The following TGFBRAP1 variants were observed in gnomAD, a reference collection of about 807,000 sequenced individuals.
The protein encoded by TGFBRAP1 is transforming growth factor-beta receptor-associated protein 1.
TGFBRAP1 carries 20 observed loss-of-function variants against 83.2 expected under a neutral mutation model. The ratio of observed to expected loss-of-function variants is 0.24; its 90% CI spans 0.17 to 0.35. The LOEUF (loss-of-function observed/expected upper bound fraction) is 0.35. Ranked by LOEUF, TGFBRAP1 falls within the 10% of genes least tolerant of loss-of-function variation. The probability of loss-of-function intolerance (pLI) is 1.00; values close to 1 mark genes in which losing one functional copy is unlikely to be tolerated. For missense variants in TGFBRAP1, 950 were observed against 1,099.4 expected, an observed-to-expected ratio of 0.86 and a Z score of 1.92; for synonymous variants, 415 against 459.8, an observed-to-expected ratio of 0.90 and a Z score of 1.25.
chr2:105,269,547 G>A lies in TGFBRAP1; in HGVS notation c.2131C>T (p.His711Tyr), dbSNP rs1022138131. The change falls in exon 11 of 12, where the codon CAC becomes TAC. Residue 711 changes from histidine to tyrosine, a missense_variant. Coordinates refer to ENST00000393359, the MANE Select transcript of TGFBRAP1 (RefSeq NM_004257.6). This position sits in a 1 kb window ranked among gnomAD's most constrained non-coding sequence, Gnocchi z 4.1. Reference protein sequence around the residue: ...LWCSEGRDPPHRQQLFHTLLA... With the variant: ...LWCSEGRDPPYRQQLFHTLLA... ...AGCGTGTGAAAGAGTTGCTGGCGGTGGGGTGGGTCTCGGCCCTCGGAGCAC... is the reference window on the plus strand; with the variant it reads ...AGCGTGTGAAAGAGTTGCTGGCGGTAGGGTGGGTCTCGGCCCTCGGAGCAC... 2 of 1,611,894 alleles carry A rather than the reference G, an allele frequency of 1.2e-6. No individual in the cohort carries two copies. The highest frequency in any genetic ancestry group is 2.7e-5 in the African/African-American group (2 of 74,916).
At chr2:105,315,686 A>G (rs1198583476) in intron 1 of TGFBRAP1, among the ~76,000 whole-genome samples, 1 of 152,236 alleles carries the variant, frequency 6.6e-6, no homozygotes, top group Non-Finnish European at 1.5e-5. Flanking sequence ...AGCTACCATT[A>G]AAAAGATCGA....
chr2:105,286,345 G>T (rs1677719669), intron 4 of TGFBRAP1, among the ~76,000 whole-genome samples: 1 of 152,122 alleles, frequency 6.6e-6, no homozygotes, highest in South Asian at 2.1e-4. Flanking sequence ...ACCAAGCATG[G>T]CCAATTCTTG....
rs766452729 is a variant in TGFBRAP1, at chr2:105,307,593, G to T, written c.688+21C>A. 9 of 1,581,334 alleles carry T rather than the reference G, an allele frequency of 5.7e-6. No homozygotes were observed. The African/African-American group carries it at 1.1e-4, about 19-fold the overall frequency. On this transcript the variant is annotated intron_variant, in intron 2 of 11. Coordinates refer to ENST00000393359, the MANE Select transcript of TGFBRAP1 (RefSeq NM_004257.6). Reference sequence around the variant, plus strand: ...CCGAGGCCACCCAAAAAGATCAGGCGCACAAATGCATCCTCCTCACCCAGC... The same window carrying T: ...CCGAGGCCACCCAAAAAGATCAGGCTCACAAATGCATCCTCCTCACCCAGC...
intron 4 of TGFBRAP1, among the ~76,000 whole-genome samples, chr2:105,285,078 G>A (rs1677668832): frequency 6.6e-6 from 1 of 152,196 alleles, no homozygotes; most frequent in African/African-American, 2.4e-5. Context: ...CAGCATGGCT[G>A]GTGTCCTCGT....
chr2:105,321,691 G>A (rs865905269), intron 1 of TGFBRAP1, among the ~76,000 whole-genome samples: 34 of 152,140 alleles, frequency 2.2e-4, no homozygotes, highest in African/African-American at 5.3e-4. Flanking sequence ...ATCTACAACA[G>A]TGGTCCCATA....
chr2:105,252,804 A>G, the TGFBRAP1 span, among the ~76,000 whole-genome samples: 124,486 of 144,528 alleles, frequency 0.86, 54,111 homozygotes, highest in African/African-American at 0.97. Flanking sequence ...CCAGGCTGGA[A>G]TGCAGTGGCG....
chr2:105,285,467 T>C (rs984367993), intron 4 of TGFBRAP1, among the ~76,000 whole-genome samples: 2 of 152,212 alleles, frequency 1.3e-5, no homozygotes, highest in Non-Finnish European at 2.9e-5. Context: ...CTTACTAAAG[T>C]AAGAATTGTT....
At chr2:105,288,577 C>T (rs927467655) in intron 4 of TGFBRAP1, among the ~76,000 whole-genome samples, 1 of 152,112 alleles carries the variant, frequency 6.6e-6, no homozygotes, top group Non-Finnish European at 1.5e-5. Flanking sequence ...GAGAATATAA[C>T]AGGAATATAT....
intron 4 of TGFBRAP1, among the ~76,000 whole-genome samples, chr2:105,287,000 T>C (rs1009555468): frequency 9.9e-5 from 15 of 152,200 alleles, no homozygotes; most frequent in African/African-American, 3.6e-4. Flanking sequence ...TTCTAACTAA[T>C]GGAATGCTAC....
At chr2:105,252,139 A>C in the TGFBRAP1 span, among the ~76,000 whole-genome samples, 1 of 152,056 alleles carries the variant, frequency 6.6e-6, no homozygotes. Context: ...TGATCAATAA[A>C]AAAAATAAAT....
Position 105,269,636 on chromosome 2 carries a change from T to G in TGFBRAP1, c.2042A>C (p.Lys681Thr). Residue 681 changes from lysine to threonine, a missense_variant, in exon 11 of 12, where the codon AAG becomes ACG. Lys to Thr is a moderately conservative substitution (Grantham distance 78, BLOSUM62 -1). Transcript: ENST00000393359. The surrounding 1 kb of genome is among the most constrained non-coding windows in gnomAD (Gnocchi z 4.1). The part of the protein sequence containing the change: ...ILHGKLGEHE[K>T]ALHILVHELQ... Reference sequence around the variant, plus strand: ...CTCGTGCACCAGGATATGCAGCGCCTTCTCATGCTCGCCCAGCTTCCCGTG... The same window carrying G: ...CTCGTGCACCAGGATATGCAGCGCCGTCTCATGCTCGCCCAGCTTCCCGTG... The G allele has an allele frequency of 6.3e-7, 1 of 1,597,958 alleles. No individual in the cohort carries two copies. The highest frequency in any genetic ancestry group is 1.3e-5 in the African/African-American group (1 of 74,808).
chr2:105,253,779 A>G, the TGFBRAP1 span, among the ~76,000 whole-genome samples: 1 of 152,192 alleles, frequency 6.6e-6, no homozygotes, highest in Non-Finnish European at 1.5e-5. Context: ...TAAAATTATA[A>G]AAGTAACGTG....
At chr2:105,279,416 C>A (rs1213613200) in intron 6 of TGFBRAP1, among the ~76,000 whole-genome samples, 1 of 151,904 alleles carries the variant, frequency 6.6e-6, no homozygotes, top group East Asian at 1.9e-4. Context: ...AACCACCACA[C>A]CCAGCTAATT....
intron 1 of TGFBRAP1, among the ~76,000 whole-genome samples, chr2:105,310,841 A>G (rs996077351): frequency 6.6e-6 from 1 of 152,230 alleles, no homozygotes; most frequent in African/African-American, 2.4e-5. Flanking sequence ...TTCTTCCTTC[A>G]TTGATTAATC....
rs775974714 is a variant in TGFBRAP1, at chr2:105,280,403, G to A, written c.1442C>T (p.Ala481Val). 3 of 1,613,930 alleles carry A rather than the reference G, an allele frequency of 1.9e-6. No homozygotes were observed. The highest frequency in any genetic ancestry group is 2.5e-6 in the Non-Finnish European group (3 of 1,179,982). ...ENFCLLTDSA[A>V]WLEKHKKYFA... ...TCACTTTTTGTGCTTCTCTAGCCAG[G>A]CAGCACTGTCCGTCAGAAGACAGAA... Residue 481 changes from alanine (A) to valine (V), a missense_variant, in exon 6 of 12, where the codon GCC becomes GTC. Ala to Val is a moderately conservative substitution (Grantham distance 64). Coordinates refer to ENST00000393359, the MANE Select transcript of TGFBRAP1 (RefSeq NM_004257.6).
chr2:105,264,927 G>T lies in TGFBRAP1; in HGVS notation c.*2456C>A, dbSNP rs1676870731. The T allele has an allele frequency of 6.6e-6, 1 of 152,212 alleles. No homozygotes were observed. Among genetic ancestry groups the T allele is most frequent in the South Asian group, 2.1e-4 (1 of 4,830 alleles). 9.4% of individuals were successfully genotyped at this position (152,212 alleles called of 1,614,324 possible). A position where few individuals can be genotyped will look rare whatever the true frequency, so the allele number is the denominator to read the frequency against. Reference sequence around the variant, plus strand: ...TATTCGATGGCACAGTTACAAATCAGCAGGCCTGTGAGAAAGAACCATACA... The same window carrying T: ...TATTCGATGGCACAGTTACAAATCATCAGGCCTGTGAGAAAGAACCATACA... On this transcript the variant is annotated 3_prime_UTR_variant, in exon 12 of 12. Transcript: ENST00000393359.
intron 2 of TGFBRAP1, among the ~76,000 whole-genome samples, chr2:105,299,978 G>A (rs150870686): frequency 4.6e-5 from 7 of 152,288 alleles, no homozygotes; most frequent in African/African-American, 1.7e-4. Flanking sequence ...CTGCAGGAGT[G>A]CAACTGCTGT....
At chr2:105,328,837 G>C (rs945819485) in intron 1 of TGFBRAP1, among the ~76,000 whole-genome samples, 1 of 152,202 alleles carries the variant, frequency 6.6e-6, no homozygotes, top group African/African-American at 2.4e-5. Flanking sequence ...GGCTTCCTGA[G>C]GGTCACTCAA....
At chr2:105,258,387 A>G in the TGFBRAP1 span, among the ~76,000 whole-genome samples, 1 of 152,112 alleles carries the variant, frequency 6.6e-6, no homozygotes, top group Admixed American at 6.5e-5. Flanking sequence ...GCCTCAGGAA[A>G]GATCTACCCT....
Sources: gnomAD v4.1 joint callset for allele counts (sites outside exome capture counted in the v4.1 genomes callset) on GRCh38, gnomAD v4.1.1 for gene constraint, Gnocchi (gnomAD v3.1) non-coding constraint, MANE v1.5 for transcripts, NCBI Gene and HGNC (gene_info 2026-07-23, HGNC 2026-07-21) for gene names.